Variants in CLDN16 observed in about 807,000 individuals in gnomAD.
CLDN16 encodes the protein claudin 16.
Under a neutral mutation model 24.6 loss-of-function variants are expected in CLDN16, and 13 were observed. The ratio of observed to expected loss-of-function variants is 0.53; its 90% CI spans 0.34 to 0.84. The LOEUF (loss-of-function observed/expected upper bound fraction) is 0.84. CLDN16 is among the 40% of genes least tolerant of loss of function. The probability of loss-of-function intolerance (pLI) is 0.01; values close to 1 mark genes in which losing one functional copy is unlikely to be tolerated. For synonymous variants in CLDN16, 116 were observed against 106.7 expected, an observed-to-expected ratio of 1.09 and a Z score of -0.54; for missense variants, 298 against 292.7, an observed-to-expected ratio of 1.02 and a Z score of -0.13.
At chr3:190,371,570 T>C (rs1334194341) in intron 2 of CLDN16, among the ~76,000 whole-genome samples, 1 of 151,936 alleles carries the variant, frequency 6.6e-6, no homozygotes, top group Non-Finnish European at 1.5e-5. Context: ...GAAATTACAT[T>C]CCCAGCCTGT....
chr3:190,335,561 AAACATT>A (rs1717282927), intron 1 of CLDN16, among the ~76,000 whole-genome samples: 1 of 151,892 alleles, frequency 6.6e-6, no homozygotes, highest in African/African-American at 2.4e-5. Context: ...AAAATACAAA[AAACATT>A]TGGGCGTGGT....
intron 1 of CLDN16, among the ~76,000 whole-genome samples, chr3:190,361,253 C>G (rs1717881308): frequency 1.3e-5 from 2 of 152,000 alleles, no homozygotes; most frequent in South Asian, 4.1e-4. Context: ...TAGCAATTGG[C>G]TTTAACTATT....
At chr3:190,351,699 G>C (rs1240265127) in intron 1 of CLDN16, among the ~76,000 whole-genome samples, 1 of 152,048 alleles carries the variant, frequency 6.6e-6, no homozygotes, top group Non-Finnish European at 1.5e-5. Flanking sequence ...ATTATCTGTT[G>C]CTGGGGAGAA....
upstream of CLDN16, among the ~76,000 whole-genome samples, chr3:190,317,854 G>A (rs575963679): frequency 1.8e-4 from 28 of 152,292 alleles, no homozygotes; most frequent in African/African-American, 5.5e-4. Context: ...GACACTTGCT[G>A]TTCAAACCTG....
At chr3:190,348,280 C>CAAA (rs34092127) in intron 1 of CLDN16, among the ~76,000 whole-genome samples, 18 of 76,974 alleles carry the variant, frequency 2.3e-4, no homozygotes, top group Non-Finnish European at 3.3e-4. Context: ...AAGAATAAAT[C>CAAA]AAAAAAAAAA....
chr3:190,321,606 C>A (rs1716923479), upstream of CLDN16, among the ~76,000 whole-genome samples: 1 of 152,258 alleles, frequency 6.6e-6, no homozygotes, highest in African/African-American at 2.4e-5. Flanking sequence ...TCAGTCATCC[C>A]ATTTTCTTGT....
chr3:190,312,304 T>C, the CLDN16 span, among the ~76,000 whole-genome samples: 1 of 40,564 alleles, frequency 2.5e-5, no homozygotes, highest in Non-Finnish European at 3.9e-5. Context: ...TATTTCTGTA[T>C]TTTTTTTTTC....
At chr3:190,317,114 T>A in the CLDN16 span, among the ~76,000 whole-genome samples, 1 of 152,194 alleles carries the variant, frequency 6.6e-6, no homozygotes, top group Non-Finnish European at 1.5e-5. Flanking sequence ...GAGATAGATG[T>A]TGTATAGCCT....
chr3:190,356,012 A>G (rs1717763274), intron 1 of CLDN16, among the ~76,000 whole-genome samples: 1 of 151,754 alleles, frequency 6.6e-6, no homozygotes, highest in Admixed American at 6.6e-5. Flanking sequence ...TGAGCCTAAA[A>G]TTATTTTAGG....
chr3:190,321,097 G>A (rs577813933), upstream of CLDN16, among the ~76,000 whole-genome samples: 3 of 152,258 alleles, frequency 2.0e-5, no homozygotes, highest in Admixed American at 6.5e-5. Context: ...TGTGGAAGAT[G>A]GAAACCTAAG....
chr3:190,326,042 A>G (rs1377331223), intron 1 of CLDN16, among the ~76,000 whole-genome samples: 1 of 152,180 alleles, frequency 6.6e-6, no homozygotes, highest in East Asian at 1.9e-4. Context: ...GGTTAAAAGC[A>G]CAAACCTTTT....
chr3:190,358,752 G>A (rs1307097870), intron 1 of CLDN16, among the ~76,000 whole-genome samples: 3 of 151,908 alleles, frequency 2.0e-5, no homozygotes, highest in Non-Finnish European at 4.4e-5. Context: ...CATCATACCA[G>A]TCTGCCTAAA....
At chr3:190,321,516 G>C (rs1170088174), upstream of CLDN16, among the ~76,000 whole-genome samples, 1 of 152,178 alleles carries the variant, frequency 6.6e-6, no homozygotes, top group Non-Finnish European at 1.5e-5. Context: ...TCATATTAAA[G>C]GTTAAAAAGT....
At position 190,404,875 on chromosome 3, in the gene CLDN16, T is replaced by C. The variant is rs567783618; in HGVS notation, c.331T>C (p.Tyr111His). 6 of 1,614,124 alleles carry C rather than the reference T, an allele frequency of 3.7e-6. No individual in the cohort carries two copies. The African/African-American group carries it at 8.0e-5, about 22-fold the overall frequency. Residue 111 changes from tyrosine (Y) to histidine (H), a missense_variant, in exon 3 of 5, where the codon TAC (tyrosine) becomes CAC (histidine). Transcript: ENST00000264734. ...DCVKFLPDEP[Y>H]IKVRICFVAG... The stretch of plus-strand genomic sequence containing the variant: ...CGTGAAATTCCTCCCTGATGAGCCG[T>C]ACATTAAAGTCCGCATCTGCTTTGT...
At chr3:190,296,675 G>A in the CLDN16 span, among the ~76,000 whole-genome samples, 14 of 150,046 alleles carry the variant, frequency 9.3e-5, 1 homozygote, top group South Asian at 2.5e-3. Flanking sequence ...TCAGCCTCCC[G>A]AGTAGCTGGA....
intron 3 of CLDN16, among the ~76,000 whole-genome samples, chr3:190,380,897 T>G (rs1471736136): frequency 2.6e-5 from 4 of 152,090 alleles, no homozygotes; most frequent in Admixed American, 2.0e-4. Flanking sequence ...TGGAAATGGT[T>G]CTATAAAATT....
intron 1 of CLDN16, among the ~76,000 whole-genome samples, chr3:190,324,192 G>C (rs981197012): frequency 1.3e-5 from 2 of 152,108 alleles, no homozygotes; most frequent in Non-Finnish European, 2.9e-5. Flanking sequence ...ACCCGGGCAC[G>C]GTGGCTCAGG....
chr3:190,308,958 G>A, the CLDN16 span, among the ~76,000 whole-genome samples: 1 of 152,138 alleles, frequency 6.6e-6, no homozygotes, highest in Non-Finnish European at 1.5e-5. Flanking sequence ...AACCATTCTG[G>A]ATTAAGCTGA....
At chr3:190,379,570 C>T (rs1718315213) in intron 3 of CLDN16, among the ~76,000 whole-genome samples, 5 of 152,050 alleles carry the variant, frequency 3.3e-5, no homozygotes, top group Admixed American at 3.3e-4. Flanking sequence ...TCTCATTGGG[C>T]TTCAACAAAC....
Sources: allele counts gnomAD v4.1 joint callset (sites outside exome capture counted in the v4.1 genomes callset), GRCh38; gene constraint gnomAD v4.1.1; transcripts MANE v1.5; gene names NCBI Gene and HGNC (gene_info 2026-07-23, HGNC 2026-07-21).